DGKB: variants seen among roughly 807,000 people sequenced by gnomAD.
The protein encoded by DGKB is diacylglycerol kinase beta, also known as 90 kDa diacylglycerol kinase.
In DGKB, 67 loss-of-function variants were observed where a neutral mutation model predicts 114.3. The observed-to-expected ratio is 0.59, with a 90% CI of 0.48 to 0.72. DGKB has a LOEUF of 0.72. Ranked by LOEUF, DGKB falls within the 30% of genes least tolerant of loss-of-function variation. The probability of loss-of-function intolerance (pLI) is 0.00; values close to 1 mark genes in which losing one functional copy is unlikely to be tolerated. For missense variants in DGKB, 907 were observed against 975.2 expected (o/e 0.93, Z 0.93); for synonymous variants, 398 against 323.1 (o/e 1.23, Z -2.49).
chr7:14,309,035 G>C (rs1023139866), intron 23 of DGKB, among the ~76,000 whole-genome samples: 1 of 152,038 alleles, frequency 6.6e-6, no homozygotes, highest in Non-Finnish European at 1.5e-5. Flanking sequence ...CGGCAACATG[G>C]TAAGGCCTCA....
chr7:14,338,709 C>T lies in DGKB; in HGVS notation c.1928G>A (p.Cys643Tyr). The T allele has an allele frequency of 6.9e-7, 1 of 1,455,962 alleles. No homozygotes were observed. Among genetic ancestry groups the T allele is most frequent in the Non-Finnish European group, 9.1e-7 (1 of 1,095,914 alleles). 90.2% of individuals were successfully genotyped at this position (1,455,962 alleles called of 1,614,324 possible). ...KKLHESVEIE[C>Y]DGVQIDLINI... ...TATTAAATCTATCTGTACTCCATCACACTGATCGGTAAAAAGAAAGAAACA... is the reference window on the plus strand; with the variant it reads ...TATTAAATCTATCTGTACTCCATCATACTGATCGGTAAAAAGAAAGAAACA... The change falls in exon 23 of 26, where the codon TGT (cysteine) becomes TAT (tyrosine). Residue 643 changes from cysteine (C) to tyrosine (Y), a missense_variant and splice_region_variant. Around this residue, in one of 3 missense-constraint regions of DGKB, gnomAD observed 814 missense variants for 856.6 expected, o/e 0.95. Transcript: ENST00000402815.
At chr7:14,938,234 A>C (rs1785377858) in intron 1 of DGKB, among the ~76,000 whole-genome samples, 2 of 152,166 alleles carry the variant, frequency 1.3e-5, no homozygotes, top group Admixed American at 1.3e-4. Flanking sequence ...AGGGTGCTTT[A>C]AAAATGTGCA....
intron 1 of DGKB, among the ~76,000 whole-genome samples, chr7:14,879,544 A>G (rs1853893598): frequency 6.6e-6 from 1 of 152,244 alleles, no homozygotes; most frequent in African/African-American, 2.4e-5. Context: ...CCTGAGTGGC[A>G]GAAACTTTTT....
chr7:14,580,781 G>GTTTCT (rs1169885584), intron 19 of DGKB, 81 bp downstream of exon 19: 16 of 977,156 alleles, frequency 1.6e-5, no homozygotes, highest in East Asian at 2.5e-5. Flanking sequence ...TATCGTTTTT[G>GTTTCT]TTTCTTTTCT....
At chr7:14,447,473 T>C (rs1254338080) in intron 21 of DGKB, among the ~76,000 whole-genome samples, 1 of 152,126 alleles carries the variant, frequency 6.6e-6, no homozygotes, top group African/African-American at 2.4e-5. Context: ...AAAATTCACA[T>C]ATGCAGAGTT....
intron 20 of DGKB, among the ~76,000 whole-genome samples, chr7:14,539,649 T>C (rs1007308811): frequency 2.0e-5 from 3 of 152,148 alleles, no homozygotes; most frequent in African/African-American, 7.2e-5. Flanking sequence ...TTGATAGCCA[T>C]GTTAACTCAG....
At chr7:14,304,046 AACACACACACAC>A (rs773102280) in intron 23 of DGKB, among the ~76,000 whole-genome samples, 7 of 112,734 alleles carry the variant, frequency 6.2e-5, no homozygotes, top group South Asian at 3.8e-4. Context: ...GTTCTTATAG[AACACACACACAC>A]ACACACACAC....
chr7:14,470,970 G>A (rs535953991), intron 21 of DGKB, among the ~76,000 whole-genome samples: 3 of 151,080 alleles, frequency 2.0e-5, no homozygotes, highest in Non-Finnish European at 4.4e-5. Context: ...GCATTTTTCT[G>A]TCACTACTGA....
intron 6 of DGKB, among the ~76,000 whole-genome samples, chr7:14,703,606 A>G (rs75754333): frequency 0.027 from 4,083 of 152,336 alleles, 85 homozygotes; most frequent in South Asian, 0.049. Flanking sequence ...CCTAAGCAAA[A>G]GAAGCTTGCA....
chr7:14,344,400 G>A (rs1812133071), intron 22 of DGKB, among the ~76,000 whole-genome samples: 1 of 151,524 alleles, frequency 6.6e-6, no homozygotes, highest in Admixed American at 6.6e-5. Flanking sequence ...ACTTAGCCAG[G>A]CCATTGTGTG....
chr7:14,973,158 T>C (rs1049533614), intron 1 of DGKB, among the ~76,000 whole-genome samples: 1 of 152,022 alleles, frequency 6.6e-6, no homozygotes, highest in Non-Finnish European at 1.5e-5. Flanking sequence ...AATACAAGTC[T>C]GAAATCCTCC....
At chr7:14,427,771 A>G (rs1049470397) in intron 21 of DGKB, among the ~76,000 whole-genome samples, 2 of 152,224 alleles carry the variant, frequency 1.3e-5, no homozygotes, top group South Asian at 2.1e-4. Flanking sequence ...AGCACAGGAA[A>G]GAACTGCCCC....
At chr7:14,867,456 T>A (rs1587020434) in intron 1 of DGKB, among the ~76,000 whole-genome samples, 1 of 152,210 alleles carries the variant, frequency 6.6e-6, no homozygotes, top group East Asian at 1.9e-4. Flanking sequence ...AATGTGGATG[T>A]TCACTTGTTC....
At chr7:14,806,054 A>G (rs1238291659) in intron 2 of DGKB, among the ~76,000 whole-genome samples, 1 of 151,738 alleles carries the variant, frequency 6.6e-6, no homozygotes, top group African/African-American at 2.4e-5. Context: ...TTTTACTCAG[A>G]AAGTAGTTGA....
intron 21 of DGKB, among the ~76,000 whole-genome samples, chr7:14,474,032 G>C (rs1174537552): frequency 6.6e-6 from 1 of 152,136 alleles, no homozygotes; most frequent in East Asian, 1.9e-4. Flanking sequence ...TAAGACTTTG[G>C]GGGACTATTG....
intron 23 of DGKB, among the ~76,000 whole-genome samples, chr7:14,188,583 C>G (rs1464951936): frequency 8.2e-6 from 1 of 122,094 alleles, no homozygotes; most frequent in African/African-American, 3.0e-5. Flanking sequence ...TGGCGTGAAC[C>G]CGGGAGGCGG....
At chr7:14,890,393 G>A (rs1781007692) in intron 1 of DGKB, among the ~76,000 whole-genome samples, 1 of 151,384 alleles carries the variant, frequency 6.6e-6, no homozygotes, top group African/African-American at 2.4e-5. Context: ...TGAAGCTACA[G>A]TTTGCTATAA....
intron 23 of DGKB, among the ~76,000 whole-genome samples, chr7:14,228,550 ACACT>A (rs1584581263): frequency 6.6e-6 from 1 of 151,996 alleles, no homozygotes; most frequent in Non-Finnish European, 1.5e-5. Flanking sequence ...ACCCGCACAC[ACACT>A]CACACACACA....
At chr7:14,804,083 G>A (rs1260177980) in intron 2 of DGKB, among the ~76,000 whole-genome samples, 1 of 151,594 alleles carries the variant, frequency 6.6e-6, no homozygotes, top group East Asian at 1.9e-4. Flanking sequence ...GTGTGTGTGT[G>A]TGTGTGTGTG....
Sources: gnomAD v4.1 joint callset for allele counts (sites outside exome capture counted in the v4.1 genomes callset) on GRCh38, gnomAD v4.1.1 for gene constraint, gnomAD v4.1.1 regional missense constraint, MANE v1.5 for transcripts, NCBI Gene and HGNC (gene_info 2026-07-23, HGNC 2026-07-21) for gene names.